Variants in ANXA4 observed in about 807,000 individuals in gnomAD.
ANXA4 encodes the protein annexin A4, also known as 35-beta calcimedin.
A neutral mutation model predicts 49.8 loss-of-function variants in ANXA4; 39 were observed. That is an observed-to-expected ratio of 0.78 (90% CI 0.61 to 1.02). The LOEUF is 1.02. ANXA4 is among the 50% of genes least tolerant of loss of function. The pLI is 0.00. For missense variants in ANXA4, 360 were observed against 410.1 expected (o/e 0.88, Z 1.05); for synonymous variants, 134 against 152.5 (o/e 0.88, Z 0.89).
chr2:69,754,963 G>A (rs1436028521), intron 1 of ANXA4, among the ~76,000 whole-genome samples: 6 of 152,128 alleles, frequency 3.9e-5, no homozygotes, highest in African/African-American at 1.2e-4. Context: ...TTCATTGTCT[G>A]TATACGAAGG....
chr2:69,718,758 CACACAT>C (rs1389658161), intron 2 of ANXA4, among the ~76,000 whole-genome samples: 1 of 143,534 alleles, frequency 7.0e-6, no homozygotes, highest in African/African-American at 2.9e-5. Context: ...CATGCATACA[CACACAT>C]ACACACACAT....
chr2:69,762,190 G>A (rs770083331), intron 1 of ANXA4, among the ~76,000 whole-genome samples: 3 of 152,186 alleles, frequency 2.0e-5, no homozygotes, highest in African/African-American at 7.2e-5. Flanking sequence ...CATGCAGCTG[G>A]TGGCACCATA....
intron 1 of ANXA4, among the ~76,000 whole-genome samples, chr2:69,748,157 C>T (rs1670690293): frequency 2.6e-5 from 4 of 151,794 alleles, no homozygotes; most frequent in East Asian, 1.9e-4. Context: ...GGGTGGATCA[C>T]GAGGTCAGGA....
At chr2:69,702,365 T>C (rs1463969531) in intron 2 of ANXA4, among the ~76,000 whole-genome samples, 1 of 152,106 alleles carries the variant, frequency 6.6e-6, no homozygotes, top group Non-Finnish European at 1.5e-5. Context: ...TCAAATATAT[T>C]TAAAAAGTAG....
intron 7 of ANXA4, among the ~76,000 whole-genome samples, chr2:69,812,359 T>C (rs1573306583): frequency 6.6e-6 from 1 of 151,932 alleles, no homozygotes; most frequent in African/African-American, 2.4e-5. Flanking sequence ...AGTGGGGTGG[T>C]GGGGGAGGCC....
chr2:69,809,485 T>A (rs1673600863), intron 6 of ANXA4: 1 of 152,114 alleles, frequency 6.6e-6, no homozygotes, highest in South Asian at 2.1e-4. Context: ...TCCCCCTGCC[T>A]ATTTTTTTTG....
chr2:69,694,235 C>T (rs1372308130), intron 2 of ANXA4, among the ~76,000 whole-genome samples: 2 of 152,062 alleles, frequency 1.3e-5, no homozygotes, highest in Non-Finnish European at 2.9e-5. Flanking sequence ...GAACCAAGGG[C>T]GCTTGTTTGC....
At chr2:69,677,531 C>T (rs577379427) in intron 2 of ANXA4, among the ~76,000 whole-genome samples, 5 of 152,196 alleles carry the variant, frequency 3.3e-5, no homozygotes, top group African/African-American at 1.2e-4. Flanking sequence ...TGCCTGGCCT[C>T]ATAAATATAA....
intron 2 of ANXA4, among the ~76,000 whole-genome samples, chr2:69,678,359 G>T (rs1306599081): frequency 4.2e-5 from 6 of 143,376 alleles, no homozygotes; most frequent in Admixed American, 1.4e-4. Flanking sequence ...TTTCAGAAGG[G>T]CATTACAAAT....
chr2:69,651,830 C>G (rs7557931), intron 1 of ANXA4, among the ~76,000 whole-genome samples: 3,031 of 9,386 alleles, frequency 0.32, 151 homozygotes, highest in African/African-American at 0.38. Flanking sequence ...GGGGGGGGGG[C>G]GGGGAGACAG....
chr2:69,715,008 A>G (rs945221790), intron 2 of ANXA4, among the ~76,000 whole-genome samples: 3 of 152,208 alleles, frequency 2.0e-5, no homozygotes, highest in African/African-American at 7.2e-5. Flanking sequence ...ACAATGGGCC[A>G]GTATCATAAA....
chr2:69,796,484 G>A (rs1345497059), intron 3 of ANXA4, among the ~76,000 whole-genome samples: 2 of 152,162 alleles, frequency 1.3e-5, no homozygotes, highest in South Asian at 2.1e-4. Context: ...TGCAGTGAGG[G>A]TTTGACTTAG....
chr2:69,691,618 T>G (rs934277550), intron 2 of ANXA4, among the ~76,000 whole-genome samples: 2 of 151,828 alleles, frequency 1.3e-5, no homozygotes, highest in Non-Finnish European at 2.9e-5. Flanking sequence ...CACATATGCA[T>G]GCCTATAGCT....
chr2:69,776,516 G>A (rs1671967299), intron 1 of ANXA4, among the ~76,000 whole-genome samples: 1 of 152,000 alleles, frequency 6.6e-6, no homozygotes, highest in South Asian at 2.1e-4. Context: ...ATGGGTGAGG[G>A]GGTGGGGTGG....
chr2:69,643,984 T>G, upstream of ANXA4: 1 of 804,472 alleles, frequency 1.2e-6, no homozygotes, highest in Non-Finnish European at 1.6e-6. Context: ...CAGGGCAAGC[T>G]GGGAAAGGTA....
At chr2:69,814,611 A>C (rs1266960672) in intron 8 of ANXA4, among the ~76,000 whole-genome samples, 1 of 152,004 alleles carries the variant, frequency 6.6e-6, no homozygotes, top group Non-Finnish European at 1.5e-5. Flanking sequence ...GGCCTTCCAA[A>C]GTGCTATGAT....
At position 69,647,470 on chromosome 2, in the gene ANXA4, G is replaced by A. The variant is rs559640717; in HGVS notation, n.481+2565G>A. Among the ~76,000 whole-genome samples the A allele has an allele frequency of 2.8e-4, 43 of 151,282 alleles. No homozygotes were observed. The East Asian group carries it at 3.1e-3, about 11-fold the overall frequency. On this transcript the variant is annotated intron_variant and non_coding_transcript_variant, in intron 1 of 3. Coordinates refer to the ANXA4 transcript ENST00000418066. ...GTAGCTCAAGTTGTAGTGCAGTGGCGTGATCTCGTCTCACTGCAACCTCTG... is the reference window on the plus strand; with the variant it reads ...GTAGCTCAAGTTGTAGTGCAGTGGCATGATCTCGTCTCACTGCAACCTCTG...
chr2:69,810,002 G>A (rs528395529), intron 6 of ANXA4: 1 of 153,290 alleles, frequency 6.5e-6, no homozygotes, highest in Non-Finnish European at 1.5e-5. Context: ...CGGACCCCTG[G>A]GTGGCAGGAA....
At chr2:69,806,550 T>C (rs2103820679) in intron 5 of ANXA4, 52 bp downstream of exon 5, 1 of 1,458,680 alleles carries the variant, frequency 6.9e-7, no homozygotes, top group South Asian at 1.1e-5. Flanking sequence ...AACGCTGATG[T>C]GCTTTCTTAA....
Sources: gnomAD v4.1 joint callset for allele counts (sites outside exome capture counted in the v4.1 genomes callset) on GRCh38, gnomAD v4.1.1 for gene constraint, MANE v1.5 for transcripts, NCBI Gene and HGNC (gene_info 2026-07-23, HGNC 2026-07-21) for gene names.